SLC5A3: variants seen among roughly 807,000 people sequenced by gnomAD.
The protein encoded by SLC5A3 is solute carrier family 5 member 3.
A neutral mutation model predicts 43.2 loss-of-function variants in SLC5A3; 10 were observed. The ratio of observed to expected loss-of-function variants is 0.23; its 90% CI spans 0.14 to 0.39. The LOEUF is 0.39. SLC5A3 is among the 10% of genes least tolerant of loss of function. SLC5A3 has a pLI of 1.00. For synonymous variants in SLC5A3, 349 were observed against 322.0 expected (o/e 1.08, Z -0.90); for missense variants, 608 against 893.4 (o/e 0.68, Z 4.07).
Position 34,099,852 on chromosome 21 carries a change from G to C in SLC5A3, c.*2497G>C, listed in dbSNP as rs1979154786. The C allele has an allele frequency of 2.0e-6, 1 of 493,158 alleles. No individual in the cohort carries two copies. Among genetic ancestry groups the C allele is most frequent in the Admixed American group, 6.4e-5 (1 of 15,666 alleles). 30.5% of individuals were successfully genotyped at this position (493,158 alleles called of 1,614,324 possible). A position where few individuals can be genotyped will look rare whatever the true frequency, so the allele number is the denominator to read the frequency against. On this transcript the variant is annotated 3_prime_UTR_variant, in exon 2 of 2. Coordinates refer to ENST00000381151, the MANE Select transcript of SLC5A3 (RefSeq NM_006933.7). ...TTTTATTTAGACTAAAGTCCCTGAA[G>C]CTTGTCTTTCTTATTGCTTCCCAGT...
rs571703723 is a variant in SLC5A3 at position 34,075,486 on chromosome 21, T to C, written c.-337+1741T>C. Among the ~76,000 whole-genome samples, 4 of 152,204 alleles carry C rather than the reference T, an allele frequency of 2.6e-5. No homozygotes were observed. In the East Asian group the frequency reaches 7.7e-4, roughly 29 times the overall value. On this transcript the variant is annotated intron_variant, in intron 1 of 1. Coordinates refer to ENST00000381151, the MANE Select transcript of SLC5A3 (RefSeq NM_006933.7). ...CACTCTAGTTCAGATCAACAGAGCGTAATTTGGTTAAAATAATAAATAACC... is the reference window on the plus strand; with the variant it reads ...CACTCTAGTTCAGATCAACAGAGCGCAATTTGGTTAAAATAATAAATAACC...
chr21:34,096,911 C>T lies in SLC5A3; in HGVS notation c.1713C>T (p.Ser571=). 1 of 1,614,098 alleles carries T rather than the reference C, an allele frequency of 6.2e-7. No homozygotes were observed. The highest frequency in any genetic ancestry group is 1.1e-5 in the South Asian group (1 of 91,080). Residue 571 remains serine (S), a synonymous_variant, in exon 2 of 2, where the codon AGC becomes AGT. Transcript: ENST00000381151. This position sits in a 1 kb window ranked among gnomAD's most constrained non-coding sequence, Gnocchi z 5.9. The part of the protein sequence containing the change: ...KEEPYKMQEK[S]ILRCSENNET... Reference sequence around the variant, plus strand: ...AACCATACAAAATGCAAGAAAAGAGCATTCTGAGATGCAGTGAGAATAATG... The same window carrying T: ...AACCATACAAAATGCAAGAAAAGAGTATTCTGAGATGCAGTGAGAATAATG...
At chr21:34,074,120 G>A (rs964879166) in intron 1 of SLC5A3, among the ~76,000 whole-genome samples, 6 of 148,468 alleles carry the variant, frequency 4.0e-5, no homozygotes, top group Non-Finnish European at 7.5e-5. Flanking sequence ...GCCCGACTCC[G>A]GCCCGTCCCC....
chr21:34,103,896 A>G lies in SLC5A3; in HGVS notation c.*6541A>G, dbSNP rs913737681. Reference sequence around the variant, plus strand: ...TTTTTACTGCAACTTGAAACTGGAGAAATAGGGACAGATGTCTAGGTTTTT... The same window carrying G: ...TTTTTACTGCAACTTGAAACTGGAGGAATAGGGACAGATGTCTAGGTTTTT... On this transcript the variant is annotated 3_prime_UTR_variant, in exon 2 of 2. Transcript: ENST00000381151. 1 of 1,000,000 alleles carries G rather than the reference A, an allele frequency of 1.0e-6. No individual in the cohort carries two copies. The highest frequency in any genetic ancestry group is 1.1e-4 in the East Asian group (1 of 8,830). 61.9% of individuals were successfully genotyped at this position (1,000,000 alleles called of 1,614,324 possible). A position where few individuals can be genotyped will look rare whatever the true frequency, so the allele number is the denominator to read the frequency against.
intron 1 of SLC5A3, among the ~76,000 whole-genome samples, chr21:34,078,696 A>G (rs1989390304): frequency 6.6e-6 from 1 of 152,242 alleles, no homozygotes; most frequent in African/African-American, 2.4e-5. Flanking sequence ...GTACTACTAC[A>G]TGTTTAACTC....
At position 34,105,121 on chromosome 21, in the gene SLC5A3, T is replaced by C. The variant is rs1979418053; in HGVS notation, c.*7766T>C. 1.0e-6 allele frequency: 1 copy of C among 1,000,056 alleles called. No individual in the cohort carries two copies. The highest frequency in any genetic ancestry group is 1.7e-5 in the African/African-American group (1 of 57,232). 61.9% of individuals were successfully genotyped at this position (1,000,056 alleles called of 1,614,324 possible). On this transcript the variant is annotated 3_prime_UTR_variant, in exon 2 of 2. Transcript: ENST00000381151. The stretch of plus-strand genomic sequence containing the variant: ...TTAATAATGCCATACTCCATTAGTG[T>C]CAGATGATGGTATGGAATTTGTTCC...
In SLC5A3 at chr21:34,073,661, A is replaced by G; in HGVS notation, c.-421A>G. The stretch of plus-strand genomic sequence containing the variant: ...CGTCCCGCCCCTTCGCGTCCCGGGA[A>G]CCGGCTGGCTTCCGAGCCGCACTCG... On this transcript the variant is annotated 5_prime_UTR_variant, in exon 1 of 2. Coordinates refer to ENST00000381151, the MANE Select transcript of SLC5A3 (RefSeq NM_006933.7). 1 of 1,504,302 alleles carries G rather than the reference A, an allele frequency of 6.6e-7. No homozygotes were observed. Among genetic ancestry groups the G allele is most frequent in the Non-Finnish European group, 9.0e-7 (1 of 1,116,732 alleles). The allele number at this position is 1,504,302 out of a possible 1,614,324, so 93.2% of individuals were successfully genotyped here.
At position 34,100,191 on chromosome 21, in the gene SLC5A3, A is replaced by C. The variant is rs1979170112; in HGVS notation, c.*2836A>C. On this transcript the variant is annotated 3_prime_UTR_variant, in exon 2 of 2. Transcript: ENST00000381151. ...TGGTCTTGGAAGGTAGAGAAAAATA[A>C]ATGTCTTACCAGGTGTTAATGGTAT... 1.0e-6 allele frequency: 1 copy of C among 1,000,224 alleles called. No individual in the cohort carries two copies. Among genetic ancestry groups the C allele is most frequent in the Non-Finnish European group, 1.2e-6 (1 of 829,954 alleles). 62.0% of individuals were successfully genotyped at this position (1,000,224 alleles called of 1,614,324 possible). A position where few individuals can be genotyped will look rare whatever the true frequency, so the allele number is the denominator to read the frequency against.
chr21:34,101,814 C>CTT lies in SLC5A3; in HGVS notation c.*4461_*4462dup, dbSNP rs1466208460. 1.8e-5 allele frequency: 18 copies of CTT among 998,372 alleles called. No individual in the cohort carries two copies. In the South Asian group the frequency reaches 7.5e-4, roughly 42 times the overall value. The allele number at this position is 998,372 out of a possible 1,614,324, so 61.8% of individuals were successfully genotyped here. A position where few individuals can be genotyped will look rare whatever the true frequency, so the allele number is the denominator to read the frequency against. On this transcript the variant is annotated 3_prime_UTR_variant, in exon 2 of 2. Transcript: ENST00000381151. ...AATTCTCAGGAATGATTTTCTCACA[C>CTT]TTTGTGTTGGCTAATAATAAAAGCA... is the stretch of plus-strand genomic sequence containing the variant.
chr21:34,090,464 G>A (rs996644189), intron 1 of SLC5A3, among the ~76,000 whole-genome samples: 1 of 152,178 alleles, frequency 6.6e-6, no homozygotes, highest in African/African-American at 2.4e-5. Flanking sequence ...ATTTAAGTAG[G>A]AGCTAATAGT....
chr21:34,096,375 G>A lies in SLC5A3; in HGVS notation c.1177G>A (p.Asp393Asn), dbSNP rs1283733727. 2 of 1,614,174 alleles carry A rather than the reference G, an allele frequency of 1.2e-6. No individual in the cohort carries two copies. Among genetic ancestry groups the A allele is most frequent in the Non-Finnish European group, 1.7e-6 (2 of 1,180,030 alleles). Residue 393 changes from aspartate to asparagine, a missense_variant, in exon 2 of 2, where the codon GAT becomes AAT. Around this residue, in one of 2 missense-constraint regions of SLC5A3, gnomAD observed 398 missense variants for 668.6 expected, o/e 0.60. Coordinates refer to ENST00000381151, the MANE Select transcript of SLC5A3 (RefSeq NM_006933.7). This position sits in a 1 kb window ranked among gnomAD's most constrained non-coding sequence, Gnocchi z 5.9. ...FNSASTIFTL[D>N]VYKLIRKSAS... ...CAGTGCCAGTACCATATTCACCCTCGATGTGTACAAACTTATCCGCAAGAG... is the reference window on the plus strand; with the variant it reads ...CAGTGCCAGTACCATATTCACCCTCAATGTGTACAAACTTATCCGCAAGAG...
chr21:34,103,825 C>A lies in SLC5A3; in HGVS notation c.*6470C>A. On this transcript the variant is annotated 3_prime_UTR_variant, in exon 2 of 2. Transcript: ENST00000381151. ...GGAGAGAATATAAATGTCAAGAATGCCAAAATTATATTTGGGGGTTACTAG... is the reference window on the plus strand; with the variant it reads ...GGAGAGAATATAAATGTCAAGAATGACAAAATTATATTTGGGGGTTACTAG... 2 of 999,962 alleles carry A rather than the reference C, an allele frequency of 2.0e-6. No individual in the cohort carries two copies. Among genetic ancestry groups the A allele is most frequent in the Non-Finnish European group, 2.4e-6 (2 of 829,866 alleles). 61.9% of individuals were successfully genotyped at this position (999,962 alleles called of 1,614,324 possible).
Position 34,073,989 on chromosome 21 carries a change from G to A in SLC5A3, c.-337+244G>A, listed in dbSNP as rs573846668. Among the ~76,000 whole-genome samples the A allele has an allele frequency of 3.9e-3, 569 of 146,250 alleles. 2 individuals are homozygous for A. The highest frequency in any genetic ancestry group is 0.013 in the African/African-American group (532 of 40,818). On this transcript the variant is annotated intron_variant, in intron 1 of 1. Coordinates refer to ENST00000381151, the MANE Select transcript of SLC5A3 (RefSeq NM_006933.7). ...GCGTGTGCGCGGTCCGGGAGGGTGT[G>A]CCTCGCAAGCGGCCCGCCGGGCGGG...
At chr21:34,088,898 T>C (rs1392315437) in intron 1 of SLC5A3, among the ~76,000 whole-genome samples, 2 of 152,180 alleles carry the variant, frequency 1.3e-5, no homozygotes, top group East Asian at 3.9e-4. Context: ...ATTTCCATTA[T>C]TTATAACTCA....
chr21:34,080,847 G>A (rs758803710), intron 1 of SLC5A3, among the ~76,000 whole-genome samples: 19 of 152,184 alleles, frequency 1.2e-4, no homozygotes, highest in Non-Finnish European at 2.1e-4. Context: ...ATGATACAGC[G>A]TGTTGACCTC....
intron 1 of SLC5A3, among the ~76,000 whole-genome samples, chr21:34,085,507 G>A (rs1011142784): frequency 6.6e-6 from 1 of 151,878 alleles, no homozygotes; most frequent in Non-Finnish European, 1.5e-5. Flanking sequence ...TTTAGCATCT[G>A]TTGGTGACTG....
Position 34,103,315 on chromosome 21 carries a change from T to TAAAAAA in SLC5A3, c.*5971_*5976dup, listed in dbSNP as rs11433558. The TAAAAAA allele has an allele frequency of 5.4e-4, 490 of 911,290 alleles. No homozygotes were observed. The South Asian group carries it at 8.2e-3, about 15-fold the overall frequency. The allele number at this position is 911,290 out of a possible 1,614,324, so 56.5% of individuals were successfully genotyped here. ...ATTTTGTCGTAACTAGTGAAGGAAG[T>TAAAAAA]AAAAAAAAAAAAAAAACATGCATTA... On this transcript the variant is annotated 3_prime_UTR_variant, in exon 2 of 2. Coordinates refer to ENST00000381151, the MANE Select transcript of SLC5A3 (RefSeq NM_006933.7).
Position 34,104,142 on chromosome 21 carries a change from G to C in SLC5A3, c.*6787G>C. On this transcript the variant is annotated 3_prime_UTR_variant, in exon 2 of 2. Coordinates refer to ENST00000381151, the MANE Select transcript of SLC5A3 (RefSeq NM_006933.7). ...TTACCTTTATTTTTTTCCTATACTT[G>C]ACTGTGCTTCATTTTAATAAAGGAT... 2 of 999,672 alleles carry C rather than the reference G, an allele frequency of 2.0e-6. No homozygotes were observed. Among genetic ancestry groups the C allele is most frequent in the Non-Finnish European group, 2.4e-6 (2 of 829,806 alleles). The allele number at this position is 999,672 out of a possible 1,614,324, so 61.9% of individuals were successfully genotyped here.
intron 1 of SLC5A3, among the ~76,000 whole-genome samples, chr21:34,088,209 G>C (rs1978494349): frequency 1.3e-5 from 2 of 152,244 alleles, no homozygotes; most frequent in Non-Finnish European, 2.9e-5. Context: ...AGAATCTATA[G>C]CTGTGATGAC....
Sources: gnomAD v4.1 joint callset for allele counts (sites outside exome capture counted in the v4.1 genomes callset) on GRCh38, gnomAD v4.1.1 for gene constraint, gnomAD v4.1.1 regional missense constraint, Gnocchi (gnomAD v3.1) non-coding constraint, MANE v1.5 for transcripts, NCBI Gene and HGNC (gene_info 2026-07-23, HGNC 2026-07-21) for gene names.